Variants in NTM observed in about 807,000 individuals in gnomAD.
NTM encodes IgLON family member 2.
Under a neutral mutation model 42.1 loss-of-function variants are expected in NTM, and 13 were observed. The ratio of observed to expected loss-of-function variants is 0.31; its 90% CI spans 0.20 to 0.49. The LOEUF (loss-of-function observed/expected upper bound fraction) is 0.49, where lower values mean the gene tolerates loss of function less well. Among genes scored for constraint, NTM ranks in the 20% least tolerant of loss-of-function variants. The probability of loss-of-function intolerance (pLI) is 0.99; values close to 1 mark genes in which losing one functional copy is unlikely to be tolerated. For missense variants in NTM, 373 were observed against 452.8 expected (o/e 0.82, Z 1.60); for synonymous variants, 187 against 179.2 (o/e 1.04, Z -0.35).
chr11:131,673,173 G>C (rs985975755), intron 1 of NTM, among the ~76,000 whole-genome samples: 2 of 152,138 alleles, frequency 1.3e-5, no homozygotes, highest in African/African-American at 4.8e-5. Context: ...GGTAAATTGT[G>C]AGTACAACAA....
At chr11:132,038,206 C>T (rs373658504) in intron 2 of NTM, among the ~76,000 whole-genome samples, 7 of 152,290 alleles carry the variant, frequency 4.6e-5, no homozygotes, top group African/African-American at 1.7e-4. Flanking sequence ...TGAAGGCAAC[C>T]TGAATTTGTT....
At chr11:131,757,624 G>A (rs554641856) in intron 1 of NTM, among the ~76,000 whole-genome samples, 1 of 152,310 alleles carries the variant, frequency 6.6e-6, no homozygotes, top group African/African-American at 2.4e-5. Flanking sequence ...AGGGGAAGTG[G>A]AAAGTATCAA....
At chr11:131,382,914 T>TG (rs1942863124) in intron 1 of NTM, among the ~76,000 whole-genome samples, 1 of 151,584 alleles carries the variant, frequency 6.6e-6, no homozygotes, top group Non-Finnish European at 1.5e-5. Flanking sequence ...TTAGTTTCAT[T>TG]CTTTTTTTTT....
At position 131,370,769 on chromosome 11, in the gene NTM, C is replaced by A. The variant is rs1388698914; in HGVS notation, c.-38C>A. 6.4e-7 allele frequency: 1 copy of A among 1,565,952 alleles called. No homozygotes were observed. Among genetic ancestry groups the A allele is most frequent in the East Asian group, 2.2e-5 (1 of 44,654 alleles). On this transcript the variant is annotated 5_prime_UTR_variant, in exon 1 of 9. Coordinates refer to ENST00000683400, the MANE Select transcript of NTM (RefSeq NM_001352005.2). ...GAAAGAAAGAAAGAAAAAAACCGAA[C>A]CTGACAAAAAAGAAGAAAAAGAAGA...
intron 2 of NTM, among the ~76,000 whole-genome samples, chr11:131,955,368 C>T (rs545166993): frequency 7.2e-5 from 11 of 152,244 alleles, no homozygotes; most frequent in African/African-American, 2.6e-4. Flanking sequence ...ATTACCTAGA[C>T]ACATGGATCC....
intron 1 of NTM, among the ~76,000 whole-genome samples, chr11:131,510,264 C>A (rs555691904): frequency 2.4e-4 from 36 of 152,326 alleles, no homozygotes; most frequent in Non-Finnish European, 4.4e-4. Context: ...TCATCCGCAG[C>A]GGGCTTTCTA....
At chr11:131,789,784 G>A (rs986583326) in intron 1 of NTM, among the ~76,000 whole-genome samples, 3 of 118,722 alleles carry the variant, frequency 2.5e-5, no homozygotes, top group African/African-American at 9.3e-5. Context: ...GTGAAACCCC[G>A]TCTCTACTAA....
chr11:131,965,802 G>A (rs1478850547), intron 2 of NTM, among the ~76,000 whole-genome samples: 2 of 152,182 alleles, frequency 1.3e-5, no homozygotes, highest in African/African-American at 4.8e-5. Context: ...AATTGAAGGT[G>A]AGGACTGTGT....
At chr11:131,745,337 C>G (rs1443862598) in intron 1 of NTM, among the ~76,000 whole-genome samples, 1 of 152,194 alleles carries the variant, frequency 6.6e-6, no homozygotes, top group Non-Finnish European at 1.5e-5. Context: ...TCTCAGTCTC[C>G]TCATCTTTTA....
chr11:132,044,282 G>A (rs1172737301), intron 2 of NTM, among the ~76,000 whole-genome samples: 1 of 151,958 alleles, frequency 6.6e-6, no homozygotes, highest in Admixed American at 6.6e-5. Flanking sequence ...CCAATAACAG[G>A]GCTCAAGTGA....
intron 4 of NTM, among the ~76,000 whole-genome samples, chr11:132,260,065 G>A (rs901233889): frequency 1.3e-5 from 2 of 152,152 alleles, no homozygotes; most frequent in Non-Finnish European, 2.9e-5. Flanking sequence ...GGAAAACATG[G>A]AAACTTTTGT....
At chr11:131,655,928 C>T (rs1394091497) in intron 1 of NTM, among the ~76,000 whole-genome samples, 2 of 152,216 alleles carry the variant, frequency 1.3e-5, no homozygotes, top group Admixed American at 1.3e-4. Context: ...TGCCCTATCC[C>T]ACCATTGAAC....
chr11:132,252,024 C>A (rs1047601755), intron 4 of NTM, among the ~76,000 whole-genome samples: 1 of 152,170 alleles, frequency 6.6e-6, no homozygotes, highest in Non-Finnish European at 1.5e-5. Context: ...AAGGCCGTGG[C>A]CTTCTGTTTG....
intron 1 of NTM, among the ~76,000 whole-genome samples, chr11:131,676,818 G>A (rs2071496312): frequency 6.6e-6 from 1 of 152,208 alleles, no homozygotes; most frequent in South Asian, 2.1e-4. Context: ...CACAACACAA[G>A]GTATGAATTC....
intron 1 of NTM, among the ~76,000 whole-genome samples, chr11:131,775,828 A>T: frequency 6.6e-6 from 1 of 152,330 alleles, no homozygotes; most frequent in East Asian, 1.9e-4. Context: ...CTCTGCCAAA[A>T]CACAATGGTA....
rs2059834252 is a variant in NTM, at chr11:132,087,222, G to A, written c.168-59060G>A. ...TCAGTGTGGCTTTCACCCATGCTAAGGGGAGGCCTAGAGGGTAGGATTATC... is the reference window on the plus strand; with the variant it reads ...TCAGTGTGGCTTTCACCCATGCTAAAGGGAGGCCTAGAGGGTAGGATTATC... On this transcript the variant is annotated intron_variant, in intron 2 of 8. Coordinates refer to ENST00000683400, the MANE Select transcript of NTM (RefSeq NM_001352005.2). Among the ~76,000 whole-genome samples, 2 of 152,130 alleles carry A rather than the reference G, an allele frequency of 1.3e-5. 1 individual carries two copies. The highest frequency in any genetic ancestry group is 1.3e-4 in the Admixed American group (2 of 15,278).
chr11:132,016,223 A>T (rs1353535405), intron 2 of NTM, among the ~76,000 whole-genome samples: 2 of 151,452 alleles, frequency 1.3e-5, no homozygotes, highest in East Asian at 3.9e-4. Context: ...TTGATATCGT[A>T]TGTTGAACAA....
chr11:131,746,323 G>T (rs754018008), intron 1 of NTM, among the ~76,000 whole-genome samples: 1 of 152,186 alleles, frequency 6.6e-6, no homozygotes, highest in African/African-American at 2.4e-5. Context: ...TTGGACGCAT[G>T]CTGTGCCGCT....
chr11:131,907,991 C>CA (rs2054111504), intron 1 of NTM, among the ~76,000 whole-genome samples: 1 of 152,214 alleles, frequency 6.6e-6, no homozygotes, highest in African/African-American at 2.4e-5. Flanking sequence ...TCTGACCTTT[C>CA]ACCACTTTCT....
Sources: allele counts gnomAD v4.1 joint callset (sites outside exome capture counted in the v4.1 genomes callset), GRCh38; gene constraint gnomAD v4.1.1; transcripts MANE v1.5; gene names NCBI Gene and HGNC (gene_info 2026-07-23, HGNC 2026-07-21).